Variants in CAP2 observed in about 807,000 individuals in gnomAD.
CAP2 encodes the protein cyclase associated actin cytoskeleton regulatory protein 2.
Under a neutral mutation model 57.7 loss-of-function variants are expected in CAP2, and 24 were observed. The ratio of observed to expected loss-of-function variants is 0.42; its 90% confidence interval spans 0.30 to 0.58. The LOEUF (loss-of-function observed/expected upper bound fraction) is 0.58. CAP2 is among the 20% of genes least tolerant of loss of function. CAP2 has a pLI of 0.22. For missense variants in CAP2, 501 were observed against 590.3 expected (o/e 0.85, Z 1.57); for synonymous variants, 194 against 207.2 (o/e 0.94, Z 0.55).
At chr6:17,404,547 G>A (rs2113506215) in intron 1 of CAP2, among the ~76,000 whole-genome samples, 1 of 151,872 alleles carries the variant, frequency 6.6e-6, no homozygotes, top group Middle Eastern at 3.4e-3. Context: ...CGAGCTTGCA[G>A]TGAGCCCAGA....
intron 4 of CAP2, among the ~76,000 whole-genome samples, chr6:17,497,189 G>A (rs2113643136): frequency 6.6e-6 from 1 of 152,304 alleles, no homozygotes; most frequent in Middle Eastern, 3.4e-3. Flanking sequence ...GAATTCGATT[G>A]GTTTCAGCAG....
intron 3 of CAP2, among the ~76,000 whole-genome samples, chr6:17,449,978 T>C (rs1760361132): frequency 6.6e-6 from 1 of 152,186 alleles, no homozygotes. Context: ...CTTTGCCGTC[T>C]GCTGAACAAG....
chr6:17,449,680 A>G (rs377269689), intron 3 of CAP2, among the ~76,000 whole-genome samples: 5 of 152,174 alleles, frequency 3.3e-5, no homozygotes, highest in African/African-American at 1.2e-4. Context: ...AAGTGTTGGG[A>G]TTACAAGCAT....
intron 1 of CAP2, among the ~76,000 whole-genome samples, chr6:17,395,919 G>A (rs1758653454): frequency 6.6e-6 from 1 of 152,000 alleles, no homozygotes; most frequent in Non-Finnish European, 1.5e-5. Flanking sequence ...TAAGGGTCTT[G>A]TATCCACAAC....
At position 17,488,223 on chromosome 6, in the gene CAP2, G is replaced by A. The variant is rs529098647; in HGVS notation, c.301-18946G>A. ...ACATCCAACCTGATTCTTACTCCAT[G>A]CCATTCAGGAAAATTTGTTGTTTCC... On this transcript the variant is annotated intron_variant, in intron 4 of 12. Transcript: ENST00000229922. 5.9e-5 allele frequency among the ~76,000 whole-genome samples: 9 copies of A among 152,228 alleles called. No homozygotes were observed. The East Asian group carries it at 1.5e-3, about 26-fold the overall frequency.
At chr6:17,541,263 A>G (rs1405789976) in intron 9 of CAP2, 115 bp downstream of exon 9, 2 of 714,692 alleles carry the variant, frequency 2.8e-6, no homozygotes, top group Non-Finnish European at 4.6e-6. Flanking sequence ...GTATTGGTAC[A>G]TAACATTTGT....
At chr6:17,475,077 C>T (rs1761117315) in intron 4 of CAP2, among the ~76,000 whole-genome samples, 1 of 152,030 alleles carries the variant, frequency 6.6e-6, no homozygotes, top group Non-Finnish European at 1.5e-5. Flanking sequence ...CGCCTGTAAT[C>T]CCAGCTACTC....
At chr6:17,532,012 A>G (rs1043756426) in intron 7 of CAP2, among the ~76,000 whole-genome samples, 5 of 152,032 alleles carry the variant, frequency 3.3e-5, no homozygotes, top group African/African-American at 1.2e-4. Context: ...CCCTTGGTAA[A>G]TGTTTGTTTA....
chr6:17,493,166 A>G (rs1761584847), intron 4 of CAP2, among the ~76,000 whole-genome samples: 1 of 152,102 alleles, frequency 6.6e-6, no homozygotes, highest in Admixed American at 6.5e-5. Context: ...CTTAATTTTT[A>G]TTTGTCACTT....
At chr6:17,542,734 A>G (rs1762936009) in intron 9 of CAP2, 103 bp from the exon 10 acceptor site, 2 of 897,184 alleles carry the variant, frequency 2.2e-6, no homozygotes, top group Admixed American at 2.3e-5. Flanking sequence ...AAAAGAATAT[A>G]TTGCAAAGCC....
At chr6:17,459,557 C>T (rs931231288) in intron 3 of CAP2, among the ~76,000 whole-genome samples, 1 of 152,060 alleles carries the variant, frequency 6.6e-6, no homozygotes, top group African/African-American at 2.4e-5. Flanking sequence ...ATTTAAGGAA[C>T]AGAAACAGGT....
At chr6:17,492,493 C>A (rs1033647863) in intron 4 of CAP2, among the ~76,000 whole-genome samples, 3 of 152,178 alleles carry the variant, frequency 2.0e-5, no homozygotes, top group African/African-American at 7.2e-5. Flanking sequence ...GTGCCGGCGT[C>A]CAAAGTGGCT....
At chr6:17,494,815 CA>C (rs2113639810) in intron 4 of CAP2, among the ~76,000 whole-genome samples, 1 of 152,236 alleles carries the variant, frequency 6.6e-6, no homozygotes, top group South Asian at 2.1e-4. Flanking sequence ...ATTGCGCTTC[CA>C]AATCAGTTGG....
chr6:17,444,838 ACACAC>A (rs1378958102), intron 3 of CAP2, among the ~76,000 whole-genome samples: 1 of 150,154 alleles, frequency 6.7e-6, no homozygotes, highest in Non-Finnish European at 1.5e-5. Flanking sequence ...ACACACACAC[ACACAC>A]AACACGAGTC....
intron 3 of CAP2, among the ~76,000 whole-genome samples, chr6:17,454,467 C>A (rs974856346): frequency 8.5e-5 from 13 of 152,254 alleles, no homozygotes; most frequent in African/African-American, 2.7e-4. Flanking sequence ...CGGCCTGCAG[C>A]CTCTGCTCCC....
At chr6:17,474,914 C>T (rs573317316) in intron 4 of CAP2, among the ~76,000 whole-genome samples, 2 of 151,956 alleles carry the variant, frequency 1.3e-5, no homozygotes, top group South Asian at 2.1e-4. Context: ...AAGCTAGGTT[C>T]GGCCAGGCAC....
At chr6:17,447,175 TAA>T (rs5874607) in intron 3 of CAP2, among the ~76,000 whole-genome samples, 348 of 133,388 alleles carry the variant, frequency 2.6e-3, no homozygotes, top group Middle Eastern at 3.7e-3. Flanking sequence ...GGCAGCTAAT[TAA>T]AAAAAAAAAA....
chr6:17,451,404 C>T (rs563070931), intron 3 of CAP2, among the ~76,000 whole-genome samples: 1 of 152,312 alleles, frequency 6.6e-6, no homozygotes, highest in East Asian at 1.9e-4. Context: ...ACACAGTTCA[C>T]ACCTTATCAC....
At chr6:17,425,089 C>G (rs921040776) in intron 2 of CAP2, among the ~76,000 whole-genome samples, 14 of 152,302 alleles carry the variant, frequency 9.2e-5, no homozygotes, top group African/African-American at 3.4e-4. Context: ...TAACTTGTTT[C>G]CATCACCCTT....
Sources: allele counts gnomAD v4.1 joint callset (sites outside exome capture counted in the v4.1 genomes callset), GRCh38; gene constraint gnomAD v4.1.1; transcripts MANE v1.5; gene names NCBI Gene and HGNC (gene_info 2026-07-23, HGNC 2026-07-21).